The following MTUS1 variants were observed in gnomAD, a reference collection of about 807,000 sequenced individuals.
MTUS1 encodes microtubule-associated tumor suppressor 1.
A neutral mutation model predicts 120.8 loss-of-function variants in MTUS1; 109 were observed. The ratio of observed to expected loss-of-function variants is 0.90; its 90% CI spans 0.77 to 1.06. The LOEUF (loss-of-function observed/expected upper bound fraction) is 1.06. Among genes scored for constraint, MTUS1 ranks in the 50% least tolerant of loss-of-function variants. MTUS1 has a pLI of 0.00. For synonymous variants in MTUS1, 737 were observed against 550.5 expected, an observed-to-expected ratio of 1.34 and a Z score of -4.74; for missense variants, 2,210 against 1,486.3, an observed-to-expected ratio of 1.49 and a Z score of -8.01.
chr8:17,748,668 T>C (rs1020793898), intron 2 of MTUS1, among the ~76,000 whole-genome samples: 4 of 152,282 alleles, frequency 2.6e-5, no homozygotes, highest in African/African-American at 4.8e-5. Flanking sequence ...GTGCTCAAAG[T>C]GGCTGGCTGG....
At chr8:17,705,860 T>C (rs997847061) in intron 6 of MTUS1, 2 of 152,246 alleles carry the variant, frequency 1.3e-5, no homozygotes, top group African/African-American at 4.8e-5. Flanking sequence ...ATCAGGGTAC[T>C]GGATAAATAC....
intron 6 of MTUS1, among the ~76,000 whole-genome samples, chr8:17,700,347 G>A (rs1289426386): frequency 6.6e-6 from 1 of 150,978 alleles, no homozygotes; most frequent in Non-Finnish European, 1.5e-5. Context: ...ACAGGGGCCT[G>A]TAATCCCAGC....
At chr8:17,725,120 T>C (rs2046130259) in intron 3 of MTUS1, among the ~76,000 whole-genome samples, 1 of 152,014 alleles carries the variant, frequency 6.6e-6, no homozygotes, top group African/African-American at 2.4e-5. Context: ...CTTCCCCAGA[T>C]CCCCATATAT....
At chr8:17,653,801 T>C (rs1038045189) in intron 10 of MTUS1, 4 of 259,906 alleles carry the variant, frequency 1.5e-5, no homozygotes, top group African/African-American at 4.4e-5. Flanking sequence ...CTCTCATAAA[T>C]GCCACTCCAG....
At position 17,729,312 on chromosome 8, in the gene MTUS1, C is replaced by T. The variant is rs146662717; in HGVS notation, c.2288-5479G>A. On this transcript the variant is annotated intron_variant, in intron 3 of 14. Transcript: ENST00000693296. Reference sequence around the variant, plus strand: ...GGCTGCAGGTCCACTTCCAATTAAGCTTAAGGGACCAAATTCTCTCACCAA... The same window carrying T: ...GGCTGCAGGTCCACTTCCAATTAAGTTTAAGGGACCAAATTCTCTCACCAA... 8.3e-3 allele frequency among the ~76,000 whole-genome samples: 1,264 copies of T among 152,230 alleles called. 14 individuals are homozygous for T. Among genetic ancestry groups the T allele is most frequent in the African/African-American group, 0.029 (1,223 of 41,542 alleles).
intron 8 of MTUS1, among the ~76,000 whole-genome samples, chr8:17,671,891 C>G (rs17125069): frequency 0.042 from 6,328 of 152,166 alleles, 443 homozygotes; most frequent in African/African-American, 0.14. Flanking sequence ...CTGTGATGGG[C>G]CAGGCACTAC....
intron 6 of MTUS1, chr8:17,697,412 G>A: frequency 1.2e-6 from 2 of 1,611,924 alleles, no homozygotes; most frequent in East Asian, 2.2e-5. Context: ...TCACAGAAGA[G>A]GCAATTTCCA....
At chr8:17,676,175 A>T in intron 7 of MTUS1, 1 of 689,742 alleles carries the variant, frequency 1.4e-6, no homozygotes, top group Non-Finnish European at 2.6e-6. Flanking sequence ...TTTGCAGGCA[A>T]GAGTTGCTTG....
chr8:17,730,250 G>A (rs1201458866), intron 3 of MTUS1, among the ~76,000 whole-genome samples: 1 of 152,208 alleles, frequency 6.6e-6, no homozygotes, highest in Non-Finnish European at 1.5e-5. Context: ...GGCCAAGGCA[G>A]GGGATCACCG....
intron 8 of MTUS1, among the ~76,000 whole-genome samples, chr8:17,659,148 T>G (rs1237161505): frequency 2.0e-5 from 3 of 152,032 alleles, no homozygotes; most frequent in African/African-American, 7.2e-5. Context: ...TGGGTTTCGG[T>G]GAGCAGTCTG....
At chr8:17,701,749 C>T (rs2130916279) in intron 6 of MTUS1, among the ~76,000 whole-genome samples, 1 of 152,212 alleles carries the variant, frequency 6.6e-6, no homozygotes, top group Non-Finnish European at 1.5e-5. Context: ...CAGGGTTTCA[C>T]CGTGTTAGCC....
intron 1 of MTUS1, among the ~76,000 whole-genome samples, chr8:17,788,412 C>G (rs538023762): frequency 3.2e-4 from 48 of 152,216 alleles, no homozygotes; most frequent in Non-Finnish European, 5.7e-4. Context: ...CAACAGAAAC[C>G]CTTAAATGTT....
intron 7 of MTUS1, among the ~76,000 whole-genome samples, chr8:17,678,278 T>C (rs999273883): frequency 6.6e-6 from 1 of 152,208 alleles, no homozygotes; most frequent in African/African-American, 2.4e-5. Flanking sequence ...AGTGTTTCTC[T>C]CTTAGATGAT....
intron 2 of MTUS1, among the ~76,000 whole-genome samples, chr8:17,752,055 A>T (rs552513813): frequency 3.6e-4 from 54 of 152,110 alleles, no homozygotes; most frequent in Non-Finnish European, 7.2e-4. Flanking sequence ...ATCCATTTCA[A>T]CCTGATGATT....
In MTUS1 at chr8:17,755,506, G is replaced by A. The variant is rs771470221; in HGVS notation, c.302C>T (p.Ser101Phe). The stretch of plus-strand genomic sequence containing the variant: ...TACAAGTGCAGGACACTGACAAATA[G>A]AATCTTTATGCATATCTAACACCTG... ...SKQVLDMHKDSICQCPALVGT... is the reference protein window; with the variant it reads ...SKQVLDMHKDFICQCPALVGT... Residue 101 changes from serine to phenylalanine, a missense_variant, in exon 2 of 15, where the codon TCT becomes TTT. Transcript: ENST00000693296. The A allele has an allele frequency of 8.7e-6, 14 of 1,614,054 alleles. No individual in the cohort carries two copies. The highest frequency in any genetic ancestry group is 1.6e-4 in the Middle Eastern group (1 of 6,082).
chr8:17,684,693 T>G, intron 6 of MTUS1, 151 bp from the exon 7 acceptor site: 1 of 654,436 alleles, frequency 1.5e-6, no homozygotes. Context: ...CTGGAATGAA[T>G]CGGAGATCTA....
intron 7 of MTUS1, among the ~76,000 whole-genome samples, chr8:17,676,928 A>G (rs948679645): frequency 5.3e-5 from 8 of 152,172 alleles, no homozygotes; most frequent in Non-Finnish European, 1.2e-4. Flanking sequence ...GAGATCCCAT[A>G]TATTTTTAAC....
intron 7 of MTUS1, among the ~76,000 whole-genome samples, chr8:17,682,806 A>G (rs1039073944): frequency 2.0e-5 from 3 of 152,242 alleles, no homozygotes; most frequent in Non-Finnish European, 4.4e-5. Context: ...TAGTTAGCTT[A>G]CTTGGTTATA....
chr8:17,742,311 T>TTTTTTTTTTTTTTTTTTTTTTTTTTA (rs1554516969), intron 3 of MTUS1, among the ~76,000 whole-genome samples: 1 of 139,540 alleles, frequency 7.2e-6, no homozygotes, highest in African/African-American at 2.6e-5. Context: ...TTTTTTTTTT[T>TTTTTTTTTTTTTTTTTTTTTTTTTTA]AGAGATAGTG....
Sources: allele counts gnomAD v4.1 joint callset (sites outside exome capture counted in the v4.1 genomes callset), GRCh38; gene constraint gnomAD v4.1.1; transcripts MANE v1.5; gene names NCBI Gene and HGNC (gene_info 2026-07-23, HGNC 2026-07-21).